The following MARCHF1 variants were observed in gnomAD, a reference collection of about 807,000 sequenced individuals.
The protein encoded by MARCHF1 is membrane associated ring-CH-type finger 1, also known as E3 ubiquitin-protein ligase MARCHF1.
A neutral mutation model predicts 54.2 loss-of-function variants in MARCHF1; 40 were observed. The ratio of observed to expected loss-of-function variants is 0.74; its 90% confidence interval spans 0.57 to 0.96. The LOEUF (loss-of-function observed/expected upper bound fraction) is 0.96, where lower values mean the gene tolerates loss of function less well. Ranked by LOEUF, MARCHF1 falls within the 40% of genes least tolerant of loss-of-function variation. The pLI is 0.00. For missense variants in MARCHF1, 586 were observed against 656.5 expected (o/e 0.89, Z 1.17); for synonymous variants, 236 against 236.3 (o/e 1.00, Z 0.01).
At chr4:163,599,626 T>C (rs1301486138) in intron 7 of MARCHF1, among the ~76,000 whole-genome samples, 1 of 152,138 alleles carries the variant, frequency 6.6e-6, no homozygotes, top group Non-Finnish European at 1.5e-5. Flanking sequence ...CAATTTATTG[T>C]TTTATTATCT....
chr4:164,264,483 TA>T (rs201127299), intron 1 of MARCHF1, among the ~76,000 whole-genome samples: 12,321 of 141,316 alleles, frequency 0.087, 757 homozygotes, highest in African/African-American at 0.19. Context: ...AAATAAAAGT[TA>T]AAAAAAAAAA....
chr4:164,119,110 T>C (rs917820934), intron 1 of MARCHF1, among the ~76,000 whole-genome samples: 3 of 151,648 alleles, frequency 2.0e-5, no homozygotes, highest in African/African-American at 7.3e-5. Context: ...GACTACACAT[T>C]AGACCCTAAA....
intron 3 of MARCHF1, among the ~76,000 whole-genome samples, chr4:163,975,912 G>C (rs575446407): frequency 3.4e-4 from 52 of 152,238 alleles, no homozygotes; most frequent in African/African-American, 1.3e-3. Flanking sequence ...TGGTCAACTT[G>C]GATTGGATAG....
intron 4 of MARCHF1, among the ~76,000 whole-genome samples, chr4:163,842,420 TGG>T (rs1273617712): frequency 3.1e-5 from 4 of 131,146 alleles, no homozygotes; most frequent in Non-Finnish European, 7.0e-5. Flanking sequence ...TGTTTAGTAA[TGG>T]TTAGTTAAAT....
chr4:164,205,995 C>CA (rs1295813072), intron 1 of MARCHF1, among the ~76,000 whole-genome samples: 1 of 152,048 alleles, frequency 6.6e-6, no homozygotes, highest in Non-Finnish European at 1.5e-5. Context: ...AAACTACATT[C>CA]AAAAAATACC....
chr4:164,029,758 C>A (rs1753839810), intron 2 of MARCHF1, among the ~76,000 whole-genome samples: 1 of 152,010 alleles, frequency 6.6e-6, no homozygotes, highest in Non-Finnish European at 1.5e-5. Flanking sequence ...CCACACCCAG[C>A]TAATTTTTGT....
intron 1 of MARCHF1, among the ~76,000 whole-genome samples, chr4:164,185,337 G>T (rs1549807): frequency 6.6e-6 from 1 of 152,340 alleles, no homozygotes; most frequent in Non-Finnish European, 1.5e-5. Context: ...GATTGAATTT[G>T]TCTTTTATTT....
chr4:164,331,141 A>G (rs1414147029), intron 1 of MARCHF1, among the ~76,000 whole-genome samples: 1 of 152,184 alleles, frequency 6.6e-6, no homozygotes, highest in Admixed American at 6.5e-5. Flanking sequence ...TTTAAAAATA[A>G]TAATAATGAG....
At chr4:164,322,996 T>C (rs1311400694) in intron 1 of MARCHF1, among the ~76,000 whole-genome samples, 1 of 151,970 alleles carries the variant, frequency 6.6e-6, no homozygotes, top group Non-Finnish European at 1.5e-5. Context: ...TATAAATGGC[T>C]GTCAAAGATA....
chr4:164,229,836 T>C (rs1732368723), intron 1 of MARCHF1, among the ~76,000 whole-genome samples: 1 of 152,102 alleles, frequency 6.6e-6, no homozygotes, highest in South Asian at 2.1e-4. Context: ...GAGAACTCAC[T>C]CACTCTTGGG....
intron 3 of MARCHF1, among the ~76,000 whole-genome samples, chr4:163,944,539 C>A (rs796596774): frequency 7.9e-5 from 12 of 152,230 alleles, no homozygotes; most frequent in African/African-American, 2.9e-4. Flanking sequence ...CCTGGTTGGC[C>A]AAGGCTGTAT....
intron 1 of MARCHF1, among the ~76,000 whole-genome samples, chr4:164,152,894 C>T (rs994372667): frequency 6.6e-6 from 1 of 152,010 alleles, no homozygotes; most frequent in Non-Finnish European, 1.5e-5. Context: ...CCCCACCCAC[C>T]CCAGTTTGAG....
At chr4:163,985,776 A>C (rs1239723234) in intron 3 of MARCHF1, among the ~76,000 whole-genome samples, 1 of 152,200 alleles carries the variant, frequency 6.6e-6, no homozygotes, top group Admixed American at 6.5e-5. Flanking sequence ...AAATTAGATC[A>C]TTTTCCTAAT....
rs575624525 is a variant in MARCHF1 at position 163,701,833 on chromosome 4, CT to C, written c.112-971del. ...AAATAATTTACCAATGTAAGAATTCCTTTTGTTTTTTTTTTAACTTCTGGAC... is the reference window on the plus strand; with the variant it reads ...AAATAATTTACCAATGTAAGAATTCCTTTGTTTTTTTTTTAACTTCTGGAC... On this transcript the variant is annotated intron_variant, in intron 4 of 9. Transcript: ENST00000514618. Among the ~76,000 whole-genome samples the C allele has an allele frequency of 4.1e-3, 513 of 125,218 alleles. 4 individuals carry two copies. The highest frequency in any genetic ancestry group is 0.013 in the African/African-American group (486 of 36,314). 82.1% of individuals were successfully genotyped at this position (125,218 alleles called of 152,430 possible).
intron 1 of MARCHF1, among the ~76,000 whole-genome samples, chr4:164,136,878 G>T (rs968109398): frequency 6.6e-6 from 1 of 152,102 alleles, no homozygotes; most frequent in Non-Finnish European, 1.5e-5. Context: ...AGAGAAGAGG[G>T]GTAGGAAGAA....
chr4:164,161,839 G>A (rs1897217), intron 1 of MARCHF1, among the ~76,000 whole-genome samples: 29,014 of 152,040 alleles, frequency 0.19, 4,405 homozygotes, highest in African/African-American at 0.41. Flanking sequence ...TTAGCCACCC[G>A]TTATATGGTC....
rs528143667 is a variant in MARCHF1, at chr4:164,106,659, T to C, written c.-248+4929A>G. Among the ~76,000 whole-genome samples the C allele has an allele frequency of 2.7e-5, 4 of 149,552 alleles. No individual in the cohort carries two copies. The East Asian group carries it at 7.9e-4, about 30-fold the overall frequency. Reference sequence around the variant, plus strand: ...GAGGGATAACATCGGGAGATATACCTAATGCTAGATGACGAGTTAGTGGGT... The same window carrying C: ...GAGGGATAACATCGGGAGATATACCCAATGCTAGATGACGAGTTAGTGGGT... On this transcript the variant is annotated intron_variant, in intron 2 of 9. Transcript: ENST00000514618.
At chr4:163,733,224 CGTGTATATATATATAT>C (rs1745922561) in intron 4 of MARCHF1, among the ~76,000 whole-genome samples, 1 of 11,498 alleles carries the variant, frequency 8.7e-5, no homozygotes, top group African/African-American at 2.0e-4. Context: ...TATATATACA[CGTGTATATATATATAT>C]ACACGTGTAT....
Position 164,144,785 on chromosome 4 carries a change from T to C in MARCHF1, c.-322-33123A>G, listed in dbSNP as rs918428310. On this transcript the variant is annotated intron_variant, in intron 1 of 9. Transcript: ENST00000514618. Reference sequence around the variant, plus strand: ...AACTAGAAAAGCAAGAGCAAACACATTCAAAAGCTAGCAGAAGGCAAGAAA... The same window carrying C: ...AACTAGAAAAGCAAGAGCAAACACACTCAAAAGCTAGCAGAAGGCAAGAAA... 3.7e-5 allele frequency among the ~76,000 whole-genome samples: 4 copies of C among 108,994 alleles called. No homozygotes were observed. The East Asian group carries it at 9.0e-4, about 24-fold the overall frequency. 71.5% of individuals were successfully genotyped at this position (108,994 alleles called of 152,430 possible).
Sources: allele counts gnomAD v4.1 joint callset (sites outside exome capture counted in the v4.1 genomes callset), GRCh38; gene constraint gnomAD v4.1.1; transcripts MANE v1.5; gene names NCBI Gene and HGNC (gene_info 2026-07-23, HGNC 2026-07-21).